Variants in FRMPD4 observed in about 807,000 individuals in gnomAD.
The protein encoded by FRMPD4 is FERM and PDZ domain containing 4.
FRMPD4 carries 22 observed loss-of-function variants against 94.1 expected under a neutral mutation model. The ratio of observed to expected loss-of-function variants is 0.23; its 90% CI spans 0.17 to 0.33. The LOEUF is 0.33. FRMPD4 is among the 10% of genes least tolerant of loss of function. The pLI, the probability that FRMPD4 is intolerant of heterozygous loss-of-function variation, is 1.00. For synonymous variants in FRMPD4, 631 were observed against 548.6 expected, an observed-to-expected ratio of 1.15 and a Z score of -2.10; for missense variants, 1,111 against 1,339.9, an observed-to-expected ratio of 0.83 and a Z score of 2.67.
intron 3 of FRMPD4, among the ~76,000 whole-genome samples, chrX:11,966,526 A>G (rs2054310501): frequency 9.4e-6 from 1 of 106,184 alleles, no homozygotes; most frequent in Non-Finnish European, 1.9e-5. Context: ...CAGATTTATC[A>G]TCATCATCAT....
chrX:12,450,953 G>GAA (rs1261769159), intron 1 of FRMPD4, among the ~76,000 whole-genome samples: 1 of 100,027 alleles, frequency 1.0e-5, no homozygotes, highest in African/African-American at 3.6e-5. Context: ...TCTTATTCAG[G>GAA]AAAAAAAAAA....
rs990282285 is a variant in FRMPD4 at position 12,515,101 on chromosome X, C to T, written c.158+16305C>T. 5.4e-5 allele frequency among the ~76,000 whole-genome samples: 6 copies of T among 111,494 alleles called. No homozygotes were observed. The Admixed American group carries it at 5.7e-4, about 11-fold the overall frequency. Reference sequence around the variant, plus strand: ...TTTTTATTGTGTTTATCTGATTCTTCTGTCTTTTCTTAGCTAGCAGTCTGT... The same window carrying T: ...TTTTTATTGTGTTTATCTGATTCTTTTGTCTTTTCTTAGCTAGCAGTCTGT... On this transcript the variant is annotated intron_variant, in intron 2 of 16. Transcript: ENST00000675598.
chrX:11,920,615 G>A (rs1194448335), intron 3 of FRMPD4, among the ~76,000 whole-genome samples: 1 of 112,138 alleles, frequency 8.9e-6, no homozygotes, highest in Non-Finnish European at 1.9e-5. Context: ...AAACCTACTG[G>A]GTGTTAGGAT....
intron 1 of FRMPD4, among the ~76,000 whole-genome samples, chrX:12,319,388 C>T (rs1466600718): frequency 8.9e-6 from 1 of 112,063 alleles, no homozygotes; most frequent in Non-Finnish European, 1.9e-5. Flanking sequence ...CTGGACCCAC[C>T]CCCAGGGATT....
At chrX:12,617,345 C>T (rs974467126) in intron 4 of FRMPD4, among the ~76,000 whole-genome samples, 1 of 112,475 alleles carries the variant, frequency 8.9e-6, no homozygotes. Flanking sequence ...TGCTCATTTG[C>T]ATTTTATCTA....
At chrX:12,263,293 A>T (rs2054221295) in intron 1 of FRMPD4, among the ~76,000 whole-genome samples, 1 of 111,608 alleles carries the variant, frequency 9.0e-6, no homozygotes, top group African/African-American at 3.3e-5. Context: ...CTGGTAAACC[A>T]GGATGGTTGG....
intron 2 of FRMPD4, among the ~76,000 whole-genome samples, chrX:12,541,768 C>G (rs765423172): frequency 4.5e-5 from 5 of 111,834 alleles, no homozygotes; most frequent in African/African-American, 1.6e-4. Context: ...GATACCAAAG[C>G]CTGGCAGAGA....
At chrX:11,916,685 G>A (rs1229922217) in intron 3 of FRMPD4, among the ~76,000 whole-genome samples, 3 of 111,356 alleles carry the variant, frequency 2.7e-5, no homozygotes, top group Non-Finnish European at 5.7e-5. Context: ...AGATGGCAGC[G>A]GCCCCCAGTC....
chrX:12,184,795 A>T (rs2056402976), intron 1 of FRMPD4, among the ~76,000 whole-genome samples: 1 of 111,160 alleles, frequency 9.0e-6, no homozygotes, highest in Non-Finnish European at 1.9e-5. Flanking sequence ...ACTCGTGGAG[A>T]TAGAGAGTAG....
chrX:12,648,972 G>A (rs1353528109), intron 4 of FRMPD4, among the ~76,000 whole-genome samples: 1 of 112,269 alleles, frequency 8.9e-6, no homozygotes, highest in Non-Finnish European at 1.9e-5. Context: ...AGCAGACAGA[G>A]CTCTGATAAC....
intron 1 of FRMPD4, among the ~76,000 whole-genome samples, chrX:12,453,688 C>T (rs1033131779): frequency 2.7e-5 from 3 of 111,232 alleles, no homozygotes; most frequent in Admixed American, 9.5e-5. Flanking sequence ...ATAACCATCA[C>T]GTATTAAGCC....
At chrX:12,401,149 C>T (rs2056603911) in intron 1 of FRMPD4, among the ~76,000 whole-genome samples, 1 of 111,381 alleles carries the variant, frequency 9.0e-6, no homozygotes, top group African/African-American at 3.3e-5. Context: ...GAAGAGGGGA[C>T]AGAAGCTCAA....
At chrX:12,395,913 T>G (rs1465008290) in intron 1 of FRMPD4, 1 of 131,004 alleles carries the variant, frequency 7.6e-6, no homozygotes, top group Non-Finnish European at 1.6e-5. Context: ...CTTGGGTTCT[T>G]TGTTCACCTG....
chrX:11,903,106 G>A (rs182769186), intron 3 of FRMPD4, among the ~76,000 whole-genome samples: 23 of 112,153 alleles, frequency 2.1e-4, no homozygotes, highest in South Asian at 3.7e-4. Context: ...GTCATTCTCC[G>A]TTTTGTTCAC....
At chrX:12,191,837 T>C (rs2056495921) in intron 1 of FRMPD4, among the ~76,000 whole-genome samples, 1 of 111,607 alleles carries the variant, frequency 9.0e-6, no homozygotes, top group African/African-American at 3.3e-5. Context: ...CCTACATTTG[T>C]CCAAGCCCGT....
At chrX:11,944,783 G>A (rs1449264207) in intron 3 of FRMPD4, among the ~76,000 whole-genome samples, 1 of 111,012 alleles carries the variant, frequency 9.0e-6, no homozygotes, top group African/African-American at 3.3e-5. Context: ...CCAAATATAA[G>A]CCAGGAGTAG....
chrX:12,391,213 GAA>G (rs1419107103), intron 1 of FRMPD4, among the ~76,000 whole-genome samples: 27 of 28,823 alleles, frequency 9.4e-4, no homozygotes, highest in Non-Finnish European at 1.5e-3. Flanking sequence ...TCATGTGATT[GAA>G]GATTGAAATG....
chrX:12,126,358 C>G (rs756101523), intron 3 of FRMPD4, among the ~76,000 whole-genome samples: 55 of 112,157 alleles, frequency 4.9e-4, no homozygotes, highest in African/African-American at 1.7e-3. Context: ...ATTTCTTGGT[C>G]AGAGACAAAG....
chrX:12,471,109 A>T (rs764502160), intron 1 of FRMPD4, among the ~76,000 whole-genome samples: 1 of 112,136 alleles, frequency 8.9e-6, no homozygotes, highest in Non-Finnish European at 1.9e-5. Context: ...ACAGCATTCA[A>T]ATCAGCACCT....
Sources: gnomAD v4.1 joint callset for allele counts (sites outside exome capture counted in the v4.1 genomes callset) on GRCh38, gnomAD v4.1.1 for gene constraint, MANE v1.5 for transcripts, NCBI Gene and HGNC (gene_info 2026-07-23, HGNC 2026-07-21) for gene names.